PALLD: variants seen among roughly 807,000 people sequenced by gnomAD.
The protein encoded by PALLD is palladin.
Under a neutral mutation model 123.5 loss-of-function variants are expected in PALLD, and 61 were observed. The observed-to-expected ratio is 0.49, with a 90% confidence interval of 0.40 to 0.61. The LOEUF is 0.61. Among genes scored for constraint, PALLD ranks in the 20% least tolerant of loss-of-function variants. PALLD has a pLI of 0.00. For synonymous variants in PALLD, 465 were observed against 496.4 expected, an observed-to-expected ratio of 0.94 and a Z score of 0.84; for missense variants, 1,273 against 1,377.0, an observed-to-expected ratio of 0.92 and a Z score of 1.20.
intron 10 of PALLD, among the ~76,000 whole-genome samples, chr4:168,715,616 C>A (rs1041911685): frequency 3.9e-5 from 6 of 152,122 alleles, no homozygotes; most frequent in African/African-American, 1.4e-4. Context: ...AGGTAGGGCT[C>A]ACTGTGAAAA....
At chr4:168,859,320 G>T (rs1433438500) in intron 10 of PALLD, among the ~76,000 whole-genome samples, 7 of 152,170 alleles carry the variant, frequency 4.6e-5, no homozygotes, top group African/African-American at 1.4e-4. Context: ...CCTTGTAGTT[G>T]ATCTGAACAG....
chr4:168,554,104 C>A (rs6827379), intron 2 of PALLD, among the ~76,000 whole-genome samples: 109,968 of 152,056 alleles, frequency 0.72, 40,170 homozygotes, highest in East Asian at 0.85. Flanking sequence ...GGTTCAATGC[C>A]GGACATCCTT....
intron 1 of PALLD, among the ~76,000 whole-genome samples, chr4:168,511,116 T>C (rs1419367723): frequency 6.6e-6 from 1 of 152,170 alleles, no homozygotes; most frequent in Non-Finnish European, 1.5e-5. Flanking sequence ...ATTAATCAAT[T>C]AGAGTTTGAG....
intron 2 of PALLD, among the ~76,000 whole-genome samples, chr4:168,531,161 T>C (rs1764562193): frequency 6.6e-6 from 1 of 152,230 alleles, no homozygotes; most frequent in African/African-American, 2.4e-5. Context: ...TGTGTGAATA[T>C]ATATAATTGT....
chr4:168,689,562 T>G (rs1782423284), intron 6 of PALLD, among the ~76,000 whole-genome samples: 1 of 148,812 alleles, frequency 6.7e-6, no homozygotes, highest in Admixed American at 6.8e-5. Flanking sequence ...ATTTTCCTGT[T>G]CCAGCCTCCT....
intron 10 of PALLD, among the ~76,000 whole-genome samples, chr4:168,757,335 C>T (rs534865887): frequency 1.3e-5 from 2 of 152,258 alleles, no homozygotes; most frequent in East Asian, 3.9e-4. Context: ...AGGGTGAGTG[C>T]CTGAAAGGCT....
At chr4:168,650,152 C>T (rs1038221376) in intron 2 of PALLD, among the ~76,000 whole-genome samples, 4 of 150,970 alleles carry the variant, frequency 2.6e-5, no homozygotes, top group Non-Finnish European at 4.4e-5. Context: ...CCAGCCTAGG[C>T]GACGAGAGTG....
chr4:168,787,777 C>T (rs1340478768), intron 10 of PALLD, among the ~76,000 whole-genome samples: 1 of 152,208 alleles, frequency 6.6e-6, no homozygotes, highest in Non-Finnish European at 1.5e-5. Context: ...TTCCTCCTTT[C>T]CCTAAGCTCT....
chr4:168,832,201 G>A, intron 10 of PALLD: 1 of 985,466 alleles, frequency 1.0e-6, no homozygotes, highest in Non-Finnish European at 1.2e-6. Context: ...CCTGAGGCTG[G>A]TGGAAGAAAT....
intron 10 of PALLD, among the ~76,000 whole-genome samples, chr4:168,779,812 T>C (rs1485604943): frequency 6.6e-6 from 1 of 152,188 alleles, no homozygotes; most frequent in African/African-American, 2.4e-5. Context: ...TTTAATATCT[T>C]TGTCACTTTC....
intron 10 of PALLD, among the ~76,000 whole-genome samples, chr4:168,762,041 T>G (rs1306347928): frequency 2.0e-5 from 3 of 152,118 alleles, no homozygotes; most frequent in African/African-American, 7.2e-5. Flanking sequence ...CCATTAAAAA[T>G]TCATTTTTTA....
chr4:168,656,462 A>G (rs747391077), intron 2 of PALLD, among the ~76,000 whole-genome samples: 37 of 152,086 alleles, frequency 2.4e-4, no homozygotes, highest in Non-Finnish European at 4.4e-5. Flanking sequence ...TCCTTCACGT[A>G]TTGTGAAATG....
intron 17 of PALLD, among the ~76,000 whole-genome samples, chr4:168,916,441 G>A (rs1445452184): frequency 2.0e-5 from 3 of 151,584 alleles, no homozygotes; most frequent in Non-Finnish European, 2.9e-5. Flanking sequence ...TTAAGGGGGG[G>A]AAAAAGTGAA....
At chr4:168,504,099 C>G (rs1016344628) in intron 1 of PALLD, among the ~76,000 whole-genome samples, 3 of 152,170 alleles carry the variant, frequency 2.0e-5, no homozygotes, top group African/African-American at 7.2e-5. Context: ...AGGAGAATAA[C>G]TACGCCTGCC....
chr4:168,922,543 A>G (rs79532885), intron 18 of PALLD, among the ~76,000 whole-genome samples: 1 of 152,204 alleles, frequency 6.6e-6, no homozygotes, highest in East Asian at 1.9e-4. Flanking sequence ...GTGCTCTTCT[A>G]AACACACTAC....
intron 10 of PALLD, among the ~76,000 whole-genome samples, chr4:168,848,545 AC>A (rs1747256202): frequency 1.3e-5 from 2 of 152,192 alleles, no homozygotes; most frequent in Admixed American, 6.5e-5. Flanking sequence ...AAACGTAGGC[AC>A]ACTCAGTACA....
intron 6 of PALLD, among the ~76,000 whole-genome samples, chr4:168,685,865 C>G (rs1396697534): frequency 7.0e-6 from 1 of 143,208 alleles, no homozygotes; most frequent in Non-Finnish European, 1.5e-5. Flanking sequence ...CTTAGGAGAT[C>G]TAGCAAGTTT....
intron 8 of PALLD, among the ~76,000 whole-genome samples, chr4:168,694,094 A>C (rs539827484): frequency 3.1e-3 from 473 of 152,340 alleles, no homozygotes; most frequent in Admixed American, 6.0e-3. Context: ...GAAAAAACAA[A>C]AAATAAATAT....
intron 2 of PALLD, among the ~76,000 whole-genome samples, chr4:168,560,054 G>A (rs1400387196): frequency 6.6e-6 from 1 of 152,150 alleles, no homozygotes; most frequent in South Asian, 2.1e-4. Context: ...TTTCCTAGAA[G>A]TAATTCAAGG....
Sources: allele counts gnomAD v4.1 joint callset (sites outside exome capture counted in the v4.1 genomes callset), GRCh38; gene constraint gnomAD v4.1.1; transcripts MANE v1.5; gene names NCBI Gene and HGNC (gene_info 2026-07-23, HGNC 2026-07-21).